The following ADCY5 variants were observed in gnomAD, a reference collection of about 807,000 sequenced individuals.
ADCY5 encodes adenylate cyclase type 5.
A neutral mutation model predicts 119.7 loss-of-function variants in ADCY5; 30 were observed. The observed-to-expected ratio is 0.25, with a 90% CI of 0.19 to 0.34. ADCY5 has a LOEUF of 0.34. Ranked by LOEUF, ADCY5 falls within the 10% of genes least tolerant of loss-of-function variation. The probability of loss-of-function intolerance (pLI) is 1.00; values close to 1 mark genes in which losing one functional copy is unlikely to be tolerated. For synonymous variants in ADCY5, 753 were observed against 762.2 expected, an observed-to-expected ratio of 0.99 and a Z score of 0.20; for missense variants, 1,324 against 1,775.2, an observed-to-expected ratio of 0.75 and a Z score of 4.57.
chr3:123,330,831 C>T lies in ADCY5; in HGVS notation c.1646+58G>A, dbSNP rs4678009. ...CTAGGCAGCCGGCAGGTCAGTCAGT[C>T]GCTCGGGCTGTGGACAGTCCCAGGG... is the stretch of plus-strand genomic sequence containing the variant. On this transcript the variant is annotated intron_variant, in intron 5 of 20. Transcript: ENST00000462833. The T allele has an allele frequency of 0.21, 315,299 of 1,516,380 alleles. 36,581 individuals are homozygous for T. Among genetic ancestry groups the T allele is most frequent in the East Asian group, 0.56 (23,915 of 42,824 alleles). The allele number at this position is 1,516,380 out of a possible 1,614,324, so 93.9% of individuals were successfully genotyped here. A position where few individuals can be genotyped will look rare whatever the true frequency, so the allele number is the denominator to read the frequency against.
intron 1 of ADCY5, among the ~76,000 whole-genome samples, chr3:123,444,541 G>A (rs1431536708): frequency 1.3e-5 from 2 of 152,140 alleles, no homozygotes; most frequent in African/African-American, 4.8e-5. Context: ...CCACCAAGAG[G>A]GGCTGTGGCA....
chr3:123,303,942 C>G (rs980617334), intron 13 of ADCY5, 125 bp downstream of exon 13: 11 of 673,772 alleles, frequency 1.6e-5, no homozygotes, highest in African/African-American at 1.4e-4. Context: ...ATCCCAGACC[C>G]AGGTGCGAAA....
intron 1 of ADCY5, among the ~76,000 whole-genome samples, chr3:123,437,959 T>G (rs548184490): frequency 2.5e-4 from 38 of 152,294 alleles, no homozygotes; most frequent in African/African-American, 8.4e-4. Context: ...TATAAAGGAT[T>G]TCTGACCCAG....
chr3:123,365,192 G>A (rs1943390307), intron 1 of ADCY5, among the ~76,000 whole-genome samples: 2 of 152,154 alleles, frequency 1.3e-5, no homozygotes, highest in Admixed American at 1.3e-4. Context: ...CCTGACCTCA[G>A]GTGATCCACT....
intron 1 of ADCY5, among the ~76,000 whole-genome samples, chr3:123,444,947 A>C (rs1945787246): frequency 6.6e-6 from 1 of 152,264 alleles, no homozygotes; most frequent in African/African-American, 2.4e-5. Context: ...GGCAGAGGTT[A>C]ATGCTGGACT....
chr3:123,330,836 G>T (rs974612579), intron 5 of ADCY5, 53 bp downstream of exon 5: 1 of 1,524,548 alleles, frequency 6.6e-7, no homozygotes. Context: ...TCAGTCGCTC[G>T]GGCTGTGGAC....
chr3:123,305,398 G>C (rs1253652109), intron 12 of ADCY5, among the ~76,000 whole-genome samples: 1 of 152,210 alleles, frequency 6.6e-6, no homozygotes, highest in Non-Finnish European at 1.5e-5. Flanking sequence ...CTTACTCCCA[G>C]TGGGGAGGGG....
At chr3:123,334,319 G>T (rs1003324956) in intron 3 of ADCY5, among the ~76,000 whole-genome samples, 1 of 152,108 alleles carries the variant, frequency 6.6e-6, no homozygotes, top group African/African-American at 2.4e-5. Context: ...TTCCTCCAAG[G>T]TCTGTGCTCC....
chr3:123,375,587 C>G (rs1432731115), intron 1 of ADCY5, among the ~76,000 whole-genome samples: 1 of 152,256 alleles, frequency 6.6e-6, no homozygotes, highest in East Asian at 1.9e-4. Context: ...CATCTTGCTT[C>G]TTGGGAAAGA....
chr3:123,403,991 C>T (rs1044256321), intron 1 of ADCY5, among the ~76,000 whole-genome samples: 7 of 152,226 alleles, frequency 4.6e-5, no homozygotes, highest in African/African-American at 1.7e-4. Context: ...AGGTGTTCAT[C>T]TTCCTGACTA....
At chr3:123,307,687 TA>T (rs1282283568) in intron 12 of ADCY5, among the ~76,000 whole-genome samples, 2 of 152,324 alleles carry the variant, frequency 1.3e-5, no homozygotes, top group East Asian at 3.9e-4. Context: ...CTATGTTGTT[TA>T]AACTGTTCAG....
chr3:123,344,670 C>T (rs949003549), intron 3 of ADCY5, among the ~76,000 whole-genome samples: 2 of 152,130 alleles, frequency 1.3e-5, no homozygotes, highest in Admixed American at 6.5e-5. Context: ...ATGAGCCCAG[C>T]CCCAAGGGGT....
intron 5 of ADCY5, among the ~76,000 whole-genome samples, chr3:123,330,574 T>A (rs1353013915): frequency 6.6e-6 from 1 of 152,128 alleles, no homozygotes. Context: ...GCCCCGGAAG[T>A]GCAAGGGCCT....
At chr3:123,308,172 T>C (rs1026449744) in intron 12 of ADCY5, among the ~76,000 whole-genome samples, 4 of 151,522 alleles carry the variant, frequency 2.6e-5, no homozygotes, top group Non-Finnish European at 4.4e-5. Flanking sequence ...TAGCTGGGAC[T>C]ACAGGCGCCC....
intron 12 of ADCY5, among the ~76,000 whole-genome samples, chr3:123,313,874 C>A (rs889498780): frequency 6.6e-6 from 1 of 152,224 alleles, no homozygotes; most frequent in Non-Finnish European, 1.5e-5. Context: ...CTCCTCCACA[C>A]CCATTCTCTC....
At position 123,385,402 on chromosome 3, in the gene ADCY5, G is replaced by T. The variant is rs145603584; in HGVS notation, c.1135-32821C>A. Among the ~76,000 whole-genome samples, 97 of 152,304 alleles carry T rather than the reference G, an allele frequency of 6.4e-4. No homozygotes were observed. The South Asian group carries it at 6.4e-3, about 10-fold the overall frequency. On this transcript the variant is annotated intron_variant, in intron 1 of 20. Transcript: ENST00000462833. ...GATGGAGAAAGGAGAGGGAGGGAAC[G>T]TTAATAGAGCCAAAGTGCTTATTTT...
At chr3:123,379,664 C>G (rs1409794069) in intron 1 of ADCY5, among the ~76,000 whole-genome samples, 1 of 151,540 alleles carries the variant, frequency 6.6e-6, no homozygotes, top group East Asian at 1.9e-4. Context: ...GGCTCTGTGA[C>G]TGCACAGAGC....
At chr3:123,357,658 G>T (rs774625165) in intron 1 of ADCY5, among the ~76,000 whole-genome samples, 2 of 152,090 alleles carry the variant, frequency 1.3e-5, no homozygotes, top group Non-Finnish European at 2.9e-5. Flanking sequence ...TTGGAAAGGG[G>T]GATTTCAGCA....
At chr3:123,430,428 G>T (rs1945500140) in intron 1 of ADCY5, among the ~76,000 whole-genome samples, 1 of 152,142 alleles carries the variant, frequency 6.6e-6, no homozygotes, top group Non-Finnish European at 1.5e-5. Flanking sequence ...CCCAGCAGGA[G>T]TTCCCCACAG....
Sources: allele counts gnomAD v4.1 joint callset (sites outside exome capture counted in the v4.1 genomes callset), GRCh38; gene constraint gnomAD v4.1.1; transcripts MANE v1.5; gene names NCBI Gene and HGNC (gene_info 2026-07-23, HGNC 2026-07-21).